The following PTPN9 variants were observed in gnomAD, a reference collection of about 807,000 sequenced individuals.
The protein encoded by PTPN9 is tyrosine-protein phosphatase non-receptor type 9.
PTPN9 carries 26 observed loss-of-function variants against 69.8 expected under a neutral mutation model. The observed-to-expected ratio is 0.37, with a 90% CI of 0.27 to 0.52. PTPN9 has a LOEUF of 0.52. Ranked by LOEUF, PTPN9 falls within the 20% of genes least tolerant of loss-of-function variation. The pLI is 0.91. For synonymous variants in PTPN9, 274 were observed against 272.5 expected, an observed-to-expected ratio of 1.01 and a Z score of -0.05; for missense variants, 549 against 740.3, an observed-to-expected ratio of 0.74 and a Z score of 3.00.
chr15:75,561,133 T>C (rs550439694), intron 1 of PTPN9, among the ~76,000 whole-genome samples: 24 of 151,840 alleles, frequency 1.6e-4, no homozygotes, highest in African/African-American at 5.8e-4. Context: ...CTGACCAACA[T>C]GGTGAAACCT....
intron 5 of PTPN9, chr15:75,513,422 G>T (rs1174117524): frequency 4.4e-6 from 2 of 455,732 alleles, no homozygotes; most frequent in Non-Finnish European, 8.8e-6. Flanking sequence ...CTCCAAATCA[G>T]TAGAACTAAA....
At chr15:75,571,131 G>A (rs553733795) in intron 1 of PTPN9, among the ~76,000 whole-genome samples, 5 of 152,006 alleles carry the variant, frequency 3.3e-5, no homozygotes, top group African/African-American at 1.2e-4. Context: ...ATGGTGGCGG[G>A]CACCTGTAAT....
intron 1 of PTPN9, among the ~76,000 whole-genome samples, chr15:75,538,559 T>C (rs1453209278): frequency 2.0e-5 from 3 of 151,962 alleles, no homozygotes; most frequent in Non-Finnish European, 2.9e-5. Context: ...TCGCCCAGCA[T>C]GATGGCACAC....
chr15:75,569,680 T>C (rs1221815463), intron 1 of PTPN9, among the ~76,000 whole-genome samples: 3 of 115,408 alleles, frequency 2.6e-5, no homozygotes, highest in Non-Finnish European at 3.4e-5. Flanking sequence ...TGAAACTCCA[T>C]CTCAAAAAAA....
chr15:75,509,081 G>T, intron 5 of PTPN9, 54 bp from the exon 6 acceptor site: 1 of 1,453,896 alleles, frequency 6.9e-7, no homozygotes, highest in Non-Finnish European at 9.6e-7. Flanking sequence ...GACTCTTCAA[G>T]CCCAAGTTTA....
At chr15:75,568,269 G>A (rs1040679963) in intron 1 of PTPN9, among the ~76,000 whole-genome samples, 1 of 151,806 alleles carries the variant, frequency 6.6e-6, no homozygotes, top group African/African-American at 2.4e-5. Flanking sequence ...GAGGCTGGAG[G>A]ATCACTTGAG....
chr15:75,546,729 A>C (rs534465017), intron 1 of PTPN9, among the ~76,000 whole-genome samples: 3 of 152,006 alleles, frequency 2.0e-5, no homozygotes, highest in Non-Finnish European at 2.9e-5. Context: ...TGGGCACAGA[A>C]AGCCTGATAA....
chr15:75,518,333 TAAGAAA>T (rs2074882441), intron 4 of PTPN9, among the ~76,000 whole-genome samples: 1 of 150,314 alleles, frequency 6.7e-6, no homozygotes. Flanking sequence ...GATCTTGTCT[TAAGAAA>T]AAGTAAGACT....
chr15:75,505,851 G>A lies in PTPN9; in HGVS notation c.792C>T (p.Ile264=). Residue 264 remains isoleucine, a synonymous_variant, in exon 7 of 13, where the codon ATC becomes ATT. Transcript: ENST00000618819. ...AGGCAGGAGGGAGGGAGAACAGGAT[G>A]ATCTCATCGAAGGGATCTGGGTGGC... ...VNGHPDPFDE[I]ILFSLPPALD... The A allele has an allele frequency of 6.2e-7, 1 of 1,614,188 alleles. No individual in the cohort carries two copies.
At chr15:75,513,540 A>G (rs1018887772) in intron 5 of PTPN9, 4 of 386,008 alleles carry the variant, frequency 1.0e-5, no homozygotes, top group African/African-American at 8.4e-5. Flanking sequence ...GCCAAGGTGG[A>G]TGGATCACTT....
intron 1 of PTPN9, among the ~76,000 whole-genome samples, chr15:75,529,681 G>A (rs924099955): frequency 6.6e-6 from 1 of 151,980 alleles, no homozygotes; most frequent in Non-Finnish European, 1.5e-5. Flanking sequence ...AAGCCAAGGC[G>A]GGTGGATCAT....
chr15:75,521,997 C>T (rs2074907253), intron 4 of PTPN9, among the ~76,000 whole-genome samples: 3 of 152,154 alleles, frequency 2.0e-5, no homozygotes, highest in Admixed American at 1.3e-4. Context: ...TGAATCAATG[C>T]GCCTGGCCTC....
chr15:75,485,454 C>T (rs1027185850), intron 8 of PTPN9, among the ~76,000 whole-genome samples: 18 of 149,734 alleles, frequency 1.2e-4, no homozygotes, highest in Admixed American at 6.7e-4. Flanking sequence ...CTGCAAGCTC[C>T]GCTTCCCGGG....
chr15:75,520,666 C>G (rs899943506), intron 4 of PTPN9, among the ~76,000 whole-genome samples: 1 of 152,172 alleles, frequency 6.6e-6, no homozygotes, highest in Non-Finnish European at 1.5e-5. Flanking sequence ...AGGCACCCAC[C>G]ACCACGCCTG....
intron 1 of PTPN9, among the ~76,000 whole-genome samples, chr15:75,535,239 A>T (rs1234940129): frequency 1.3e-5 from 2 of 151,978 alleles, no homozygotes; most frequent in Non-Finnish European, 2.9e-5. Context: ...CTCGTGATCC[A>T]CCTGCCTCGG....
chr15:75,505,489 A>G (rs1323892306), intron 7 of PTPN9, among the ~76,000 whole-genome samples, 186 bp downstream of exon 7: 1 of 152,042 alleles, frequency 6.6e-6, no homozygotes, highest in African/African-American at 2.4e-5. Flanking sequence ...AAAGAAAAAA[A>G]AAAAGAAGCA....
chr15:75,521,584 G>A (rs1193853633), intron 4 of PTPN9, among the ~76,000 whole-genome samples: 1 of 152,104 alleles, frequency 6.6e-6, no homozygotes, highest in Non-Finnish European at 1.5e-5. Flanking sequence ...AATGGCTTAT[G>A]CTTGTAATCC....
rs1595956066 is a variant in PTPN9, at chr15:75,505,576, G to A, written c.968+99C>T. 6.1e-6 allele frequency: 5 copies of A among 818,564 alleles called. No homozygotes were observed. In the East Asian group the frequency reaches 7.4e-5, roughly 12 times the overall value. 50.7% of individuals were successfully genotyped at this position (818,564 alleles called of 1,614,324 possible). On this transcript the variant is annotated intron_variant, in intron 7 of 12. Transcript: ENST00000618819. ...GAGTGATGTTCCCTAACATAAGGAA[G>A]GGTCTCTGCTAAGCAAGTGAGGGGT...
intron 7 of PTPN9, among the ~76,000 whole-genome samples, chr15:75,491,877 TCAAAC>T (rs2074712879): frequency 6.6e-6 from 1 of 152,178 alleles, no homozygotes; most frequent in Non-Finnish European, 1.5e-5. Flanking sequence ...CAAAAGATGT[TCAAAC>T]CAAATCTCTT....
Sources: allele counts gnomAD v4.1 joint callset (sites outside exome capture counted in the v4.1 genomes callset), GRCh38; gene constraint gnomAD v4.1.1; transcripts MANE v1.5; gene names NCBI Gene and HGNC (gene_info 2026-07-23, HGNC 2026-07-21).